The following TGM3 variants were observed in gnomAD, a reference collection of about 807,000 sequenced individuals.
The protein encoded by TGM3 is protein-glutamine gamma-glutamyltransferase E.
Under a neutral mutation model 73.8 loss-of-function variants are expected in TGM3, and 52 were observed. The observed-to-expected ratio is 0.70, with a 90% CI of 0.56 to 0.89. The LOEUF (loss-of-function observed/expected upper bound fraction) is 0.89. TGM3 is among the 40% of genes least tolerant of loss of function. The pLI is 0.00. For synonymous variants in TGM3, 372 were observed against 354.9 expected (o/e 1.05, Z -0.54); for missense variants, 928 against 909.9 (o/e 1.02, Z -0.26).
chr20:2,328,571 G>A lies in TGM3; in HGVS notation c.1333+206G>A, dbSNP rs892185547. 3.3e-5 allele frequency among the ~76,000 whole-genome samples: 5 copies of A among 152,256 alleles called. No homozygotes were observed. The highest frequency in any genetic ancestry group is 1.2e-4 in the African/African-American group (5 of 41,464). On this transcript the variant is annotated intron_variant, in intron 9 of 12. Transcript: ENST00000381458. The surrounding 1 kb of genome is among the most constrained non-coding windows in gnomAD (Gnocchi z 5.2). Reference sequence around the variant, plus strand: ...ACCATCACGGGCAGCTGTTGTGCCAGTGGAAGTTTGCTGCAGGGCACAGGT... The same window carrying A: ...ACCATCACGGGCAGCTGTTGTGCCAATGGAAGTTTGCTGCAGGGCACAGGT...
chr20:2,317,215 T>C lies in TGM3; in HGVS notation c.817T>C (p.Cys273Arg), dbSNP rs1168534881. ...CTTCAGCCCAGTCCGATATGGCCAG[T>C]GCTGGGTCTTTGCTGGGACCCTCAA... ...SGFSPVRYGQ[C>R]WVFAGTLNTA... The change falls in exon 6 of 13, where the codon TGC becomes CGC. Residue 273 changes from cysteine (C) to arginine (R), a missense_variant. Physicochemically the swap from Cys to Arg is radical, Grantham distance 180. Transcript: ENST00000381458. The C allele has an allele frequency of 1.8e-5, 29 of 1,614,070 alleles. No individual in the cohort carries two copies. The highest frequency in any genetic ancestry group is 2.3e-5 in the Non-Finnish European group (27 of 1,180,052).
chr20:2,314,162 C>G (rs1480394536), intron 5 of TGM3, among the ~76,000 whole-genome samples: 1 of 151,876 alleles, frequency 6.6e-6, no homozygotes, highest in Non-Finnish European at 1.5e-5. Flanking sequence ...AGAGTAAGAC[C>G]CTATCTCAAA....
chr20:2,318,258 A>G (rs1035173797), intron 7 of TGM3, among the ~76,000 whole-genome samples: 3 of 152,184 alleles, frequency 2.0e-5, no homozygotes, highest in Non-Finnish European at 4.4e-5. Flanking sequence ...ACCTCAGGCC[A>G]TCCACCTGCC....
chr20:2,312,791 G>A, intron 4 of TGM3, 107 bp from the exon 5 acceptor site: 1 of 1,491,168 alleles, frequency 6.7e-7, no homozygotes, highest in Non-Finnish European at 9.1e-7. Context: ...AGGCCACAGA[G>A]TCAAAGGATC....
chr20:2,339,182 G>A (rs2084366943), intron 11 of TGM3, among the ~76,000 whole-genome samples: 1 of 152,192 alleles, frequency 6.6e-6, no homozygotes, highest in Non-Finnish European at 1.5e-5. Context: ...CCAACCCCTG[G>A]AAAAAGAGTT....
rs1277586780 is a variant in TGM3, at chr20:2,317,198, C to A, written c.800C>A (p.Pro267Gln). 6.2e-7 allele frequency: 1 copy of A among 1,614,214 alleles called. No individual in the cohort carries two copies. The highest frequency in any genetic ancestry group is 1.7e-5 in the Admixed American group (1 of 60,028). ...LKNWKKSGFS[P>Q]VRYGQCWVFA... ...AATTGGAAAAAATCTGGCTTCAGCC[C>A]AGTCCGATATGGCCAGTGCTGGGTC... Residue 267 changes from proline to glutamine, a missense_variant, in exon 6 of 13, where the codon CCA becomes CAA. Physicochemically the swap from Pro to Gln is moderately conservative, Grantham distance 76 (BLOSUM62 -1). Coordinates refer to ENST00000381458, the MANE Select transcript of TGM3 (RefSeq NM_003245.4).
Position 2,301,194 on chromosome 20 carries a change from A to T in TGM3, c.7+5124A>T, listed in dbSNP as rs535339353. Among the ~76,000 whole-genome samples, 4 of 151,866 alleles carry T rather than the reference A, an allele frequency of 2.6e-5. No individual in the cohort carries two copies. In the East Asian group the frequency reaches 7.8e-4, roughly 29 times the overall value. On this transcript the variant is annotated intron_variant, in intron 1 of 12. Transcript: ENST00000381458. The stretch of plus-strand genomic sequence containing the variant: ...GACACAGGCTAGAAAGAGAGAAAGG[A>T]GAGAGAGATGGGTGCTGAGCAGGAA...
intron 1 of TGM3, among the ~76,000 whole-genome samples, chr20:2,299,038 C>A (rs567775802): frequency 6.6e-6 from 1 of 152,206 alleles, no homozygotes; most frequent in East Asian, 1.9e-4. Context: ...CTGTAGGATT[C>A]CTTACAGGAT....
intron 1 of TGM3, among the ~76,000 whole-genome samples, chr20:2,304,385 A>C (rs2084166952): frequency 6.6e-6 from 1 of 152,164 alleles, no homozygotes; most frequent in Non-Finnish European, 1.5e-5. Flanking sequence ...CTACTCAGGG[A>C]TGCGGGGCAG....
chr20:2,332,726 G>A lies in TGM3; in HGVS notation c.1642+416G>A, dbSNP rs528231441. The stretch of plus-strand genomic sequence containing the variant: ...AGATAAAGTATCATAGATAGTAGTG[G>A]TAGTGCTGAGTCTTGGTCCTAGGTT... On this transcript the variant is annotated intron_variant, in intron 10 of 12. Transcript: ENST00000381458. This position sits in a 1 kb window ranked among gnomAD's most constrained non-coding sequence, Gnocchi z 4.4. Among the ~76,000 whole-genome samples, 11 of 152,336 alleles carry A rather than the reference G, an allele frequency of 7.2e-5. No homozygotes were observed. The highest frequency in any genetic ancestry group is 6.5e-4 in the Admixed American group (10 of 15,298).
chr20:2,339,786 C>A (rs2084370105), intron 11 of TGM3, 68 bp from the exon 12 acceptor site: 2 of 1,603,736 alleles, frequency 1.2e-6, no homozygotes, highest in African/African-American at 2.7e-5. Context: ...CCCTGCCCAG[C>A]CCTCACCAAG....
chr20:2,309,711 A>C lies in TGM3; in HGVS notation c.62A>C (p.His21Pro). Residue 21 changes from histidine to proline, a missense_variant, in exon 2 of 13, where the codon CAC (histidine) becomes CCC (proline). Coordinates refer to ENST00000381458, the MANE Select transcript of TGM3 (RefSeq NM_003245.4). ...WQTAFNRQAH[H>P]TDKFSSQELI... The stretch of plus-strand genomic sequence containing the variant: ...ACGGCCTTCAACCGACAAGCGCATC[A>C]CACAGACAAGTTCTCCAGCCAGGAG... 6.2e-7 allele frequency: 1 copy of C among 1,614,146 alleles called. No individual in the cohort carries two copies.
chr20:2,320,424 G>A (rs1335998531), intron 7 of TGM3, among the ~76,000 whole-genome samples: 1 of 152,162 alleles, frequency 6.6e-6, no homozygotes, highest in African/African-American at 2.4e-5. Context: ...CAAAGGCCCC[G>A]AGAGAAGTAA....
rs545036147 is a variant in TGM3, at chr20:2,323,720, G to A, written c.984-2129G>A. On this transcript the variant is annotated intron_variant, in intron 7 of 12. Coordinates refer to ENST00000381458, the MANE Select transcript of TGM3 (RefSeq NM_003245.4). ...CCCACCTGGAAATGAGCACCACAAC[G>A]AGTATCACCGTATGCTTTAATCTCT... Among the ~76,000 whole-genome samples, 22 of 152,336 alleles carry A rather than the reference G, an allele frequency of 1.4e-4. 1 individual carries two copies. Among genetic ancestry groups the A allele is most frequent in the African/African-American group, 4.8e-4 (20 of 41,584 alleles).
chr20:2,296,166 G>C, intron 1 of TGM3, 96 bp downstream of exon 1: 1 of 1,459,110 alleles, frequency 6.9e-7, no homozygotes, highest in Non-Finnish European at 9.4e-7. Context: ...CAGGACAGCT[G>C]CCTGCCTTGG....
intron 7 of TGM3, among the ~76,000 whole-genome samples, chr20:2,321,020 C>A (rs1217118833): frequency 6.6e-6 from 1 of 152,168 alleles, no homozygotes; most frequent in Non-Finnish European, 1.5e-5. Context: ...CACACCTCAG[C>A]CAAGCCCCTG....
intron 5 of TGM3, among the ~76,000 whole-genome samples, chr20:2,316,730 T>C (rs537897770): frequency 6.6e-6 from 1 of 152,194 alleles, no homozygotes; most frequent in South Asian, 2.1e-4. Flanking sequence ...CTGCCAGAAG[T>C]CCTCTGCAAG....
chr20:2,335,814 T>A (rs1256460246), intron 11 of TGM3, among the ~76,000 whole-genome samples: 1 of 151,926 alleles, frequency 6.6e-6, no homozygotes, highest in Non-Finnish European at 1.5e-5. Flanking sequence ...GACCCTGGAG[T>A]TACAGAATTG....
At chr20:2,318,242 C>T (rs2084245865) in intron 7 of TGM3, among the ~76,000 whole-genome samples, 1 of 152,150 alleles carries the variant, frequency 6.6e-6, no homozygotes, top group Non-Finnish European at 1.5e-5. Flanking sequence ...TGGTCTTGAA[C>T]TCCTGACCTC....
Sources: allele counts gnomAD v4.1 joint callset (sites outside exome capture counted in the v4.1 genomes callset), GRCh38; gene constraint gnomAD v4.1.1; non-coding constraint Gnocchi (gnomAD v3.1); transcripts MANE v1.5; gene names NCBI Gene and HGNC (gene_info 2026-07-23, HGNC 2026-07-21).